Variants in C9 observed in about 807,000 individuals in gnomAD.
The protein encoded by C9 is complement C9.
Under a neutral mutation model 65.4 loss-of-function variants are expected in C9, and 63 were observed. The ratio of observed to expected loss-of-function variants is 0.96; its 90% CI spans 0.79 to 1.19. The LOEUF is 1.19. Ranked by LOEUF, C9 falls within the 50% of genes most tolerant of loss-of-function variation. The pLI, the probability that C9 is intolerant of heterozygous loss-of-function variation, is 0.00. For synonymous variants in C9, 229 were observed against 227.9 expected (o/e 1.00, Z -0.04); for missense variants, 744 against 670.1 (o/e 1.11, Z -1.22).
intron 5 of C9, among the ~76,000 whole-genome samples, chr5:39,321,745 A>G (rs1340875268): frequency 6.6e-6 from 1 of 152,120 alleles, no homozygotes; most frequent in African/African-American, 2.4e-5. Context: ...CTTGTTAAAA[A>G]CTGCAAGAAG....
At chr5:39,342,702 C>T (rs987247981) in intron 1 of C9, among the ~76,000 whole-genome samples, 3 of 152,116 alleles carry the variant, frequency 2.0e-5, no homozygotes, top group African/African-American at 7.2e-5. Flanking sequence ...AATCAGGTTT[C>T]CCCTCTCTGG....
In C9 at chr5:39,340,621, T is replaced by A. The variant is rs560907704; in HGVS notation, c.476+525A>T. Among the ~76,000 whole-genome samples the A allele has an allele frequency of 1.8e-4, 27 of 152,320 alleles. No individual in the cohort carries two copies. In the South Asian group the frequency reaches 3.9e-3, roughly 22 times the overall value. On this transcript the variant is annotated intron_variant, in intron 4 of 10. Coordinates refer to ENST00000263408, the MANE Select transcript of C9 (RefSeq NM_001737.5). ...TGAGTGAAATGTCAGCTCTCTATAA[T>A]GAGAACCAGAACCTCAACATAATCA...
chr5:39,339,084 C>A (rs1754019973), intron 4 of C9, among the ~76,000 whole-genome samples: 1 of 152,174 alleles, frequency 6.6e-6, no homozygotes. Context: ...CATGGACTCA[C>A]AATCTTTCCC....
intron 1 of C9, among the ~76,000 whole-genome samples, chr5:39,361,826 A>T (rs1240079544): frequency 6.6e-6 from 1 of 152,214 alleles, no homozygotes; most frequent in Non-Finnish European, 1.5e-5. Context: ...AAAAAACAAT[A>T]GTTAGAAATC....
chr5:39,295,613 T>C (rs1301008285), intron 9 of C9, among the ~76,000 whole-genome samples: 1 of 151,496 alleles, frequency 6.6e-6, no homozygotes, highest in Non-Finnish European at 1.5e-5. Context: ...AATCTACAGA[T>C]TCAGTGCAAT....
intron 5 of C9, among the ~76,000 whole-genome samples, chr5:39,328,076 G>C (rs1464517346): frequency 6.6e-6 from 1 of 152,170 alleles, no homozygotes; most frequent in Admixed American, 6.5e-5. Flanking sequence ...GAAAAAGAGG[G>C]AAAGGTTGAG....
rs192077991 is a variant in C9 at position 39,325,257 on chromosome 5, C to T, written c.615+6419G>A. ...TGTAACCTTTTGAGGCACCCCTCTG[C>T]CAGAACCATCTAGCCAAGCTACTGT... is the stretch of plus-strand genomic sequence containing the variant. On this transcript the variant is annotated intron_variant, in intron 5 of 10. Transcript: ENST00000263408. Among the ~76,000 whole-genome samples, 305 of 152,302 alleles carry T rather than the reference C, an allele frequency of 2.0e-3. 2 individuals are homozygous for T. Among genetic ancestry groups the T allele is most frequent in the Non-Finnish European group, 3.7e-3 (250 of 68,024 alleles).
intron 1 of C9, among the ~76,000 whole-genome samples, chr5:39,348,254 T>A (rs1460237269): frequency 6.6e-6 from 1 of 151,690 alleles, no homozygotes; most frequent in African/African-American, 2.4e-5. Context: ...TGGGAGAAAA[T>A]TTTTGCAATC....
In C9 at chr5:39,326,481, T is replaced by C. The variant is rs116831866; in HGVS notation, c.615+5195A>G. On this transcript the variant is annotated intron_variant, in intron 5 of 10. Transcript: ENST00000263408. ...CTCATTACCTCTGGTCTTGTTCCCT[T>C]AAAATTTATTTCCACAAAACACAAA... Among the ~76,000 whole-genome samples, 775 of 152,324 alleles carry C rather than the reference T, an allele frequency of 5.1e-3. 6 individuals carry two copies. Among genetic ancestry groups the C allele is most frequent in the African/African-American group, 0.017 (703 of 41,564 alleles).
intron 5 of C9, among the ~76,000 whole-genome samples, chr5:39,317,480 T>C (rs1234230633): frequency 6.6e-6 from 1 of 152,212 alleles, no homozygotes; most frequent in Admixed American, 6.5e-5. Context: ...CTTTTGGTTT[T>C]ACATATAAGT....
chr5:39,299,871 C>G (rs2111861797), intron 9 of C9, among the ~76,000 whole-genome samples: 1 of 152,184 alleles, frequency 6.6e-6, no homozygotes, highest in South Asian at 2.1e-4. Flanking sequence ...ATACTACTCA[C>G]TAAAAACCAA....
chr5:39,319,725 G>T (rs897779627), intron 5 of C9, among the ~76,000 whole-genome samples: 4 of 151,854 alleles, frequency 2.6e-5, no homozygotes, highest in Non-Finnish European at 5.9e-5. Context: ...AGCCCTATTG[G>T]CCCCAGGCTC....
intron 4 of C9, among the ~76,000 whole-genome samples, chr5:39,334,765 T>A (rs1180767316): frequency 7.0e-6 from 1 of 143,340 alleles, no homozygotes; most frequent in Non-Finnish European, 1.5e-5. Flanking sequence ...CGGCCGCCCC[T>A]ACTGGGAAGT....
chr5:39,290,052 G>C (rs567164559), intron 9 of C9, among the ~76,000 whole-genome samples: 1 of 152,042 alleles, frequency 6.6e-6, no homozygotes, highest in South Asian at 2.1e-4. Context: ...GGAAAGCTTT[G>C]ACAATAAATA....
At chr5:39,359,036 A>ATG (rs1491066122) in intron 1 of C9, among the ~76,000 whole-genome samples, 1 of 113,234 alleles carries the variant, frequency 8.8e-6, no homozygotes, top group African/African-American at 3.3e-5. Flanking sequence ...ATATATATAT[A>ATG]TGTGTGTGTG....
intron 7 of C9, among the ~76,000 whole-genome samples, chr5:39,309,951 C>T (rs79803377): frequency 0.094 from 14,342 of 152,142 alleles, 709 homozygotes; most frequent in Non-Finnish European, 0.11. Flanking sequence ...AGACCTGTGT[C>T]CTCTTGTACC....
chr5:39,286,346 T>C (rs1335858457), intron 10 of C9, among the ~76,000 whole-genome samples: 1 of 151,962 alleles, frequency 6.6e-6, no homozygotes, highest in Non-Finnish European at 1.5e-5. Context: ...GAGAATGAAT[T>C]GGTAGACTTA....
At chr5:39,320,212 C>A (rs1753642603) in intron 5 of C9, among the ~76,000 whole-genome samples, 1 of 151,904 alleles carries the variant, frequency 6.6e-6, no homozygotes, top group Non-Finnish European at 1.5e-5. Context: ...TCAAAATAAT[C>A]AGCTTAAAGA....
In C9 at chr5:39,331,735, C is replaced by T. The variant is rs747276372; in HGVS notation, c.556G>A (p.Asp186Asn). 3 of 1,613,714 alleles carry T rather than the reference C, an allele frequency of 1.9e-6. 1 individual carries two copies. In the South Asian group the frequency reaches 3.3e-5, roughly 18 times the overall value. The change falls in exon 5 of 11, where the codon GAT (aspartate) becomes AAT (asparagine). Residue 186 changes from aspartate (D) to asparagine (N), a missense_variant. Coordinates refer to ENST00000263408, the MANE Select transcript of C9 (RefSeq NM_001737.5). ...FYNGLCNRDRDGNTLTYYRRP... is the reference protein window; with the variant it reads ...FYNGLCNRDRNGNTLTYYRRP... Reference sequence around the variant, plus strand: ...CGGTAGTATGTCAGAGTGTTTCCATCCCGATCCCGGTTACAGAGTCCATTG... The same window carrying T: ...CGGTAGTATGTCAGAGTGTTTCCATTCCGATCCCGGTTACAGAGTCCATTG...
Sources: gnomAD v4.1 joint callset for allele counts (sites outside exome capture counted in the v4.1 genomes callset) on GRCh38, gnomAD v4.1.1 for gene constraint, MANE v1.5 for transcripts, NCBI Gene and HGNC (gene_info 2026-07-23, HGNC 2026-07-21) for gene names.